IL1RAPL1: variants seen among roughly 807,000 people sequenced by gnomAD.
The protein encoded by IL1RAPL1 is interleukin-1 receptor accessory protein-like 1.
Under a neutral mutation model 48.4 loss-of-function variants are expected in IL1RAPL1, and 3 were observed. The observed-to-expected ratio is 0.06, with a 90% CI of 0.03 to 0.16. The LOEUF is 0.16. Ranked by LOEUF, IL1RAPL1 falls within the 10% of genes least tolerant of loss-of-function variation. The pLI is 1.00. For synonymous variants in IL1RAPL1, 185 were observed against 187.7 expected (o/e 0.99, Z 0.12); for missense variants, 349 against 530.6 (o/e 0.66, Z 3.36).
chrX:29,706,575 A>T (rs1333856770), intron 6 of IL1RAPL1, among the ~76,000 whole-genome samples: 1 of 111,926 alleles, frequency 8.9e-6, no homozygotes, highest in Non-Finnish European at 1.9e-5. Flanking sequence ...CAAATCTTAA[A>T]GCCCCAAAAT....
intron 1 of IL1RAPL1, among the ~76,000 whole-genome samples, chrX:28,699,776 T>C (rs1269618426): frequency 8.9e-6 from 1 of 112,253 alleles, no homozygotes; most frequent in Admixed American, 9.5e-5. Flanking sequence ...CAACTGTTGA[T>C]GAACCATATG....
At chrX:29,583,781 A>G (rs112797874) in intron 5 of IL1RAPL1, among the ~76,000 whole-genome samples, 6,016 of 106,027 alleles carry the variant, frequency 0.057, 204 homozygotes, top group Middle Eastern at 0.18. Flanking sequence ...AGCCAAAAGA[A>G]CAAAGCTGGA....
At chrX:28,594,741 G>A (rs968591951) in intron 1 of IL1RAPL1, among the ~76,000 whole-genome samples, 6 of 111,995 alleles carry the variant, frequency 5.4e-5, no homozygotes, top group African/African-American at 9.7e-5. Context: ...TTACTTTACC[G>A]ATTTGTGATC....
chrX:28,646,005 A>G (rs1934603839), intron 1 of IL1RAPL1, among the ~76,000 whole-genome samples: 1 of 112,076 alleles, frequency 8.9e-6, no homozygotes, highest in African/African-American at 3.2e-5. Context: ...TGATTTTTAA[A>G]GGATCTTCAC....
In IL1RAPL1 at chrX:28,738,041, T is replaced by A. The variant is rs181993353; in HGVS notation, c.-24-51279T>A. Among the ~76,000 whole-genome samples, 1,092 of 111,825 alleles carry A rather than the reference T, an allele frequency of 9.8e-3. 12 individuals are homozygous for A. Among genetic ancestry groups the A allele is most frequent in the African/African-American group, 0.034 (1,039 of 30,789 alleles). On this transcript the variant is annotated intron_variant, in intron 1 of 10. Coordinates refer to ENST00000378993, the MANE Select transcript of IL1RAPL1 (RefSeq NM_014271.4). Reference sequence around the variant, plus strand: ...GGGGAAAAAAGAAGGGAAATAATTATCCATTCAGATAATTGCTAAAGCAGA... The same window carrying A: ...GGGGAAAAAAGAAGGGAAATAATTAACCATTCAGATAATTGCTAAAGCAGA...
chrX:29,103,766 A>G (rs1345070226), intron 2 of IL1RAPL1, among the ~76,000 whole-genome samples: 1 of 111,920 alleles, frequency 8.9e-6, no homozygotes, highest in African/African-American at 3.3e-5. Flanking sequence ...AGCTCCAACA[A>G]TTCTATGGGA....
chrX:28,604,360 T>C (rs1317138268), intron 1 of IL1RAPL1, among the ~76,000 whole-genome samples: 1 of 111,814 alleles, frequency 8.9e-6, no homozygotes, highest in African/African-American at 3.3e-5. Flanking sequence ...AGGTTACTTA[T>C]GTTTCAGAGT....
chrX:28,739,864 C>G (rs1935887204), intron 1 of IL1RAPL1, among the ~76,000 whole-genome samples: 1 of 110,913 alleles, frequency 9.0e-6, no homozygotes, highest in Non-Finnish European at 1.9e-5. Flanking sequence ...AGAAGCTTCT[C>G]TTTGCCTAAC....
intron 6 of IL1RAPL1, among the ~76,000 whole-genome samples, chrX:29,725,430 A>G (rs1177786369): frequency 9.0e-6 from 1 of 111,534 alleles, no homozygotes; most frequent in Non-Finnish European, 1.9e-5. Context: ...GTTTTCTGAG[A>G]TAATATCCCT....
At chrX:28,800,864 T>TTTATTTAC (rs1936665847) in intron 2 of IL1RAPL1, among the ~76,000 whole-genome samples, 1 of 104,095 alleles carries the variant, frequency 9.6e-6, no homozygotes, top group African/African-American at 3.5e-5. Context: ...TATTTATTTA[T>TTTATTTAC]TTATTTATTT....
intron 2 of IL1RAPL1, among the ~76,000 whole-genome samples, chrX:29,048,659 A>G (rs1387854215): frequency 8.9e-6 from 1 of 112,450 alleles, no homozygotes; most frequent in Non-Finnish European, 1.9e-5. Context: ...TCCTGTGTGT[A>G]AGACAAAACT....
At chrX:28,614,157 G>A (rs1934185243) in intron 1 of IL1RAPL1, among the ~76,000 whole-genome samples, 1 of 103,646 alleles carries the variant, frequency 9.6e-6, no homozygotes, top group Non-Finnish European at 2.0e-5. Flanking sequence ...TAGGCTCTTG[G>A]GCAGACCATA....
chrX:28,615,282 G>C (rs188277021), intron 1 of IL1RAPL1, among the ~76,000 whole-genome samples: 11 of 88,810 alleles, frequency 1.2e-4, no homozygotes, highest in African/African-American at 4.9e-4. Context: ...TTAATATTAA[G>C]AGAGATCACA....
At chrX:29,476,289 A>C (rs1406307737) in intron 5 of IL1RAPL1, among the ~76,000 whole-genome samples, 2 of 112,100 alleles carry the variant, frequency 1.8e-5, no homozygotes, top group East Asian at 5.6e-4. Context: ...CTCATAATAA[A>C]GGCAAAAACA....
chrX:28,776,607 A>C (rs2147259398), intron 1 of IL1RAPL1, among the ~76,000 whole-genome samples: 1 of 111,924 alleles, frequency 8.9e-6, no homozygotes, highest in African/African-American at 3.2e-5. Flanking sequence ...TTGTGTATAT[A>C]TTTGCATCAG....
intron 2 of IL1RAPL1, among the ~76,000 whole-genome samples, chrX:29,179,008 A>G (rs1382226362): frequency 9.0e-6 from 1 of 111,627 alleles, no homozygotes; most frequent in Non-Finnish European, 1.9e-5. Context: ...GCCTTGTAGT[A>G]TAGTTTGAAG....
At chrX:29,505,433 G>T (rs1935317707) in intron 5 of IL1RAPL1, among the ~76,000 whole-genome samples, 1 of 111,272 alleles carries the variant, frequency 9.0e-6, no homozygotes, top group Admixed American at 9.5e-5. Context: ...AACAGATCGG[G>T]TCATGGTTAA....
chrX:29,799,475 C>T (rs903832992), intron 6 of IL1RAPL1, among the ~76,000 whole-genome samples: 3 of 112,001 alleles, frequency 2.7e-5, no homozygotes, highest in Non-Finnish European at 5.6e-5. Context: ...GGCCATTTAT[C>T]GCAGAGAATA....
At position 28,839,468 on chromosome X, in the gene IL1RAPL1, G is replaced by A. The variant is rs899265081; in HGVS notation, c.82+50043G>A. 1.5e-4 allele frequency among the ~76,000 whole-genome samples: 17 copies of A among 110,277 alleles called. 1 individual carries two copies. The highest frequency in any genetic ancestry group is 6.8e-4 in the Admixed American group (7 of 10,265). ...GACTATAAAGCATCATTTGTTTAGTGAAACAAAATATAAGTAATTGGACAC... is the reference window on the plus strand; with the variant it reads ...GACTATAAAGCATCATTTGTTTAGTAAAACAAAATATAAGTAATTGGACAC... On this transcript the variant is annotated intron_variant, in intron 2 of 10. Coordinates refer to ENST00000378993, the MANE Select transcript of IL1RAPL1 (RefSeq NM_014271.4).
Sources: gnomAD v4.1 joint callset for allele counts (sites outside exome capture counted in the v4.1 genomes callset) on GRCh38, gnomAD v4.1.1 for gene constraint, MANE v1.5 for transcripts, NCBI Gene and HGNC (gene_info 2026-07-23, HGNC 2026-07-21) for gene names.